METTL18: variants seen among roughly 807,000 people sequenced by gnomAD.
METTL18 encodes methyltransferase 18, RPL3 N3(tau)-histidine.
A neutral mutation model predicts 19.6 loss-of-function variants in METTL18; 15 were observed. The ratio of observed to expected loss-of-function variants is 0.77; its 90% confidence interval spans 0.51 to 1.18. The LOEUF is 1.18. Among genes scored for constraint, METTL18 ranks in the 50% most tolerant of loss-of-function variants. METTL18 has a pLI of 0.00. For synonymous variants in METTL18, 131 were observed against 145.2 expected (o/e 0.90, Z 0.70); for missense variants, 392 against 418.8 (o/e 0.94, Z 0.56).
rs775899587 is a variant in METTL18, at chr1:169,793,628, C to T, written c.68G>A (p.Gly23Glu). 3 of 1,614,098 alleles carry T rather than the reference C, an allele frequency of 1.9e-6. No homozygotes were observed. Residue 23 changes from glycine to glutamate, a missense_variant, in exon 2 of 2, where the codon GGA (glycine) becomes GAA (glutamate). Gly to Glu is a moderately conservative substitution (Grantham distance 98). Coordinates refer to ENST00000310392, the MANE Select transcript of METTL18 (RefSeq NM_033418.4). The part of the protein sequence containing the change: ...LENELTPIRD[G>E]ALTLDSSKEL... ...TTTTGAGGAATCCAGGGTCAAAGCTCCATCTCTAATGGGTGTTAATTCATT... is the reference window on the plus strand; with the variant it reads ...TTTTGAGGAATCCAGGGTCAAAGCTTCATCTCTAATGGGTGTTAATTCATT...
At position 169,794,810 on chromosome 1, in the gene METTL18, C is replaced by A; in HGVS notation, c.-203+5G>T. 1 of 391,316 alleles carries A rather than the reference C, an allele frequency of 2.6e-6. No homozygotes were observed. The allele number at this position is 391,316 out of a possible 1,614,324, so 24.2% of individuals were successfully genotyped here. The stretch of plus-strand genomic sequence containing the variant: ...TTTGAATGTAATGTTTACAGTGATC[C>A]AGACCTGGGGATGCTTGCTTCCCGA... On this transcript the variant is annotated splice_donor_5th_base_variant and intron_variant, in intron 1 of 1. Coordinates refer to ENST00000310392, the MANE Select transcript of METTL18 (RefSeq NM_033418.4).
Position 169,792,778 on chromosome 1 carries a change from G to A in METTL18, c.918C>T (p.His306=), listed in dbSNP as rs761548210. Residue 306 remains histidine (H), a synonymous_variant, in exon 2 of 2, where the codon CAC becomes CAT. Coordinates refer to ENST00000310392, the MANE Select transcript of METTL18 (RefSeq NM_033418.4). ...IYNPDYYSNL[H]QTFLRLLSKN... ...TACTTAACAGTCTAAGGAAAGTCTG[G>A]TGCAAATTACTATAATAATCTGGGT... 5.6e-6 allele frequency: 9 copies of A among 1,612,744 alleles called. No homozygotes were observed. The highest frequency in any genetic ancestry group is 4.5e-5 in the East Asian group (2 of 44,864).
At position 169,792,711 on chromosome 1, in the gene METTL18, C is replaced by G. The variant is rs753903137; in HGVS notation, c.985G>C (p.Gly329Arg). ...VLLASKAHYF[G>R]VGGGVHLFQK... The stretch of plus-strand genomic sequence containing the variant: ...AAGAGATGAACACCTCCACCTACAC[C>G]AAAATAATGTGCTTTGCTGGCCAAA... The change falls in exon 2 of 2, where the codon GGT (glycine) becomes CGT (arginine). Residue 329 changes from glycine (G) to arginine (R), a missense_variant. Coordinates refer to ENST00000310392, the MANE Select transcript of METTL18 (RefSeq NM_033418.4). 6.2e-7 allele frequency: 1 copy of G among 1,613,886 alleles called. No homozygotes were observed. Among genetic ancestry groups the G allele is most frequent in the Non-Finnish European group, 8.5e-7 (1 of 1,179,938 alleles).
Position 169,792,755 on chromosome 1 carries a change from C to T in METTL18, c.941G>A (p.Ser314Asn). 6.2e-7 allele frequency: 1 copy of T among 1,613,722 alleles called. No individual in the cohort carries two copies. Among genetic ancestry groups the T allele is most frequent in the Non-Finnish European group, 8.5e-7 (1 of 1,179,904 alleles). The part of the protein sequence containing the change: ...NLHQTFLRLL[S>N]KNGRVLLASK... ...GGCCAAAAGTACACGTCCATTTTTA[C>T]TTAACAGTCTAAGGAAAGTCTGGTG... Residue 314 changes from serine to asparagine, a missense_variant, in exon 2 of 2, where the codon AGT (serine) becomes AAT (asparagine). Coordinates refer to ENST00000310392, the MANE Select transcript of METTL18 (RefSeq NM_033418.4).
chr1:169,794,113 T>C (rs1650300382), intron 1 of METTL18, among the ~76,000 whole-genome samples: 1 of 151,610 alleles, frequency 6.6e-6, no homozygotes, highest in African/African-American at 2.4e-5. Context: ...AAATCAACTA[T>C]AAAAACAAAC....
Position 169,793,156 on chromosome 1 carries a change from T to G in METTL18, c.540A>C (p.Thr180=), listed in dbSNP as rs1465854232. 6.2e-7 allele frequency: 1 copy of G among 1,614,086 alleles called. No individual in the cohort carries two copies. The highest frequency in any genetic ancestry group is 2.2e-5 in the East Asian group (1 of 44,886). ...TCCCAGCAAATTTCACTTTGGCCTT[T>G]GTGAAATAAGCCAGGAGGTCAAAGG... is the stretch of plus-strand genomic sequence containing the variant. ...ECTFDLLAYF[T]KAKVKFAGKK... The change falls in exon 2 of 2, where the codon ACA becomes ACC. Residue 180 remains threonine, a synonymous_variant. Transcript: ENST00000310392.
chr1:169,792,780 G>A lies in METTL18; in HGVS notation c.916C>T (p.His306Tyr), dbSNP rs1391117368. The change falls in exon 2 of 2, where the codon CAC becomes TAC. Residue 306 changes from histidine (H) to tyrosine (Y), a missense_variant. By Grantham distance (83) the His-to-Tyr change is moderately conservative. Coordinates refer to ENST00000310392, the MANE Select transcript of METTL18 (RefSeq NM_033418.4). Reference protein sequence around the residue: ...IYNPDYYSNLHQTFLRLLSKN... With the variant: ...IYNPDYYSNLYQTFLRLLSKN... ...CTTAACAGTCTAAGGAAAGTCTGGT[G>A]CAAATTACTATAATAATCTGGGTTG... 1 of 1,612,866 alleles carries A rather than the reference G, an allele frequency of 6.2e-7. No individual in the cohort carries two copies.
intron 1 of METTL18, among the ~76,000 whole-genome samples, chr1:169,794,271 C>A (rs1650318166): frequency 6.6e-6 from 1 of 152,160 alleles, no homozygotes; most frequent in Non-Finnish European, 1.5e-5. Flanking sequence ...AGAATAACTT[C>A]ACTTCTGTCT....
rs774839631 is a variant in METTL18, at chr1:169,793,652, T to C, written c.44A>G (p.Asn15Ser). 3 of 1,612,494 alleles carry C rather than the reference T, an allele frequency of 1.9e-6. No individual in the cohort carries two copies. Among genetic ancestry groups the C allele is most frequent in the South Asian group, 1.1e-5 (1 of 90,726 alleles). Residue 15 changes from asparagine to serine, a missense_variant, in exon 2 of 2, where the codon AAT (asparagine) becomes AGT (serine). Transcript: ENST00000310392. ...TCCATCTCTAATGGGTGTTAATTCATTTTCCAGATGGTCTTCTATAGTGAA... is the reference window on the plus strand; with the variant it reads ...TCCATCTCTAATGGGTGTTAATTCACTTTCCAGATGGTCTTCTATAGTGAA... ...FNFTIEDHLE[N>S]ELTPIRDGAL...
rs1356441805 is a variant in METTL18, at chr1:169,793,010, G to A, written c.686C>T (p.Pro229Leu). 1 of 1,614,044 alleles carries A rather than the reference G, an allele frequency of 6.2e-7. No individual in the cohort carries two copies. Among genetic ancestry groups the A allele is most frequent in the South Asian group, 1.1e-5 (1 of 91,088 alleles). ...CAAAGTGGAGTTAGCTACTACATTA[G>A]GTAAGGTTACTTCATCAATCACCAT... ...NSMVIDEVTL[P>L]NVVANSTLED... Residue 229 changes from proline (P) to leucine (L), a missense_variant, in exon 2 of 2, where the codon CCT becomes CTT. Physicochemically the swap from Pro to Leu is moderately conservative, Grantham distance 98. Transcript: ENST00000310392.
chr1:169,793,282 T>G lies in METTL18; in HGVS notation c.414A>C (p.Lys138Asn), dbSNP rs765797440. ...CTATGTTTTCTCCAGGGAAGTTCTC[T>G]TTCAACAAGATGGTTTTCACTACTG... ...KLSVVKTILLKENFPGENIVS... is the reference protein window; with the variant it reads ...KLSVVKTILLNENFPGENIVS... The change falls in exon 2 of 2, where the codon AAA (lysine) becomes AAC (asparagine). Residue 138 changes from lysine (K) to asparagine (N), a missense_variant. Coordinates refer to ENST00000310392, the MANE Select transcript of METTL18 (RefSeq NM_033418.4). 1 of 1,614,110 alleles carries G rather than the reference T, an allele frequency of 6.2e-7. No homozygotes were observed. Among genetic ancestry groups the G allele is most frequent in the Non-Finnish European group, 8.5e-7 (1 of 1,180,004 alleles).
Position 169,793,144 on chromosome 1 carries a change from C to T in METTL18, c.552G>A (p.Val184=), listed in dbSNP as rs1403665835. 2 of 1,614,206 alleles carry T rather than the reference C, an allele frequency of 1.2e-6. No homozygotes were observed. Among genetic ancestry groups the T allele is most frequent in the Middle Eastern group, 1.6e-4 (1 of 6,062 alleles). The part of the protein sequence containing the change: ...DLLAYFTKAK[V]KFAGKKVLDL... ...CCAAGACTTTTTTCCCAGCAAATTT[C>T]ACTTTGGCCTTTGTGAAATAAGCCA... The change falls in exon 2 of 2, where the codon GTG becomes GTA. Residue 184 remains valine (V), a synonymous_variant. Coordinates refer to ENST00000310392, the MANE Select transcript of METTL18 (RefSeq NM_033418.4).
chr1:169,792,821 G>A lies in METTL18; in HGVS notation c.875C>T (p.Thr292Ile). The change falls in exon 2 of 2, where the codon ACC (threonine) becomes ATC (isoleucine). Residue 292 changes from threonine (T) to isoleucine (I), a missense_variant. Thr to Ile is a moderately conservative substitution (Grantham distance 89, BLOSUM62 -1). Transcript: ENST00000310392. Reference protein sequence around the residue: ...KLFVKYDLILTSETIYNPDYY... With the variant: ...KLFVKYDLILISETIYNPDYY... ...ATCTGGGTTGTAAATGGTTTCTGAGGTGAGAATGAGATCATATTTTACAAA... is the reference window on the plus strand; with the variant it reads ...ATCTGGGTTGTAAATGGTTTCTGAGATGAGAATGAGATCATATTTTACAAA... The A allele has an allele frequency of 6.2e-7, 1 of 1,613,758 alleles. No individual in the cohort carries two copies. The highest frequency in any genetic ancestry group is 8.5e-7 in the Non-Finnish European group (1 of 1,179,908).
At chr1:169,794,022 C>A (rs551779239) in intron 1 of METTL18, 125 bp from the exon 2 acceptor site, 68 of 192,262 alleles carry the variant, frequency 3.5e-4, no homozygotes, top group Non-Finnish European at 5.9e-4. Flanking sequence ...GCTGCTTTTT[C>A]TTAAAAAGTT....
chr1:169,793,253 G>T lies in METTL18; in HGVS notation c.443C>A (p.Ser148Ter). The T allele has an allele frequency of 6.2e-7, 1 of 1,614,052 alleles. No homozygotes were observed. The highest frequency in any genetic ancestry group is 8.5e-7 in the Non-Finnish European group (1 of 1,179,998). The change falls in exon 2 of 2, where the codon TCA becomes TAA. Residue 148 changes from serine to a stop codon, truncating the protein, a stop_gained. Transcript: ENST00000310392. LOFTEE classifies it high-confidence loss of function. ...ATCAGAGTGAGAAGAAAAGCTTTTT[G>T]AAACTATGTTTTCTCCAGGGAAGTT... Reference protein sequence around the residue: ...KENFPGENIVSKSFSSHSDLI... With the variant: ...KENFPGENIV
chr1:169,792,692 TG>T lies in METTL18; in HGVS notation c.1003del (p.His335IlefsTer7). 6.2e-7 allele frequency: 1 copy of T among 1,613,144 alleles called. No homozygotes were observed. The highest frequency in any genetic ancestry group is 8.5e-7 in the Non-Finnish European group (1 of 1,179,730). On this transcript the variant is annotated frameshift_variant, in exon 2 of 2. Coordinates refer to ENST00000310392, the MANE Select transcript of METTL18 (RefSeq NM_033418.4). LOFTEE classifies it high-confidence loss of function. Reference protein sequence around the residue: ...AHYFGVGGGVHLFQKFVEERD... With the variant: ...AHYFGVGGGVXLFQKFVEERD... ...TTCTTCTACAAACTTCTGAAAGAGA[TG>T]AACACCTCCACCTACACCAAAATAA...
rs531853220 is a variant in METTL18, at chr1:169,792,630, C to G, written c.1066G>C (p.Asp356His). Residue 356 changes from aspartate to histidine, a missense_variant, in exon 2 of 2, where the codon GAT (aspartate) becomes CAT (histidine). By Grantham distance (81) the Asp-to-His change is moderately conservative. Transcript: ENST00000310392. The stretch of plus-strand genomic sequence containing the variant: ...ATTATGAACCTCTTCAATCCTTCAT[C>G]AATTATTTTGAGTATTCTGGTCTTA... ...VFKTRILKIIDEGLKRFIIEI... is the reference protein window; with the variant it reads ...VFKTRILKIIHEGLKRFIIEI... 6.3e-7 allele frequency: 1 copy of G among 1,599,174 alleles called. No homozygotes were observed. Among genetic ancestry groups the G allele is most frequent in the Admixed American group, 1.8e-5 (1 of 55,938 alleles).
At chr1:169,794,301 ATTTTATTT>A (rs1454392031) in intron 1 of METTL18, among the ~76,000 whole-genome samples, 1 of 152,170 alleles carries the variant, frequency 6.6e-6, no homozygotes, top group African/African-American at 2.4e-5. Context: ...GAGGTGCAGT[ATTTTATTT>A]TGGTAAGTCA....
chr1:169,794,824 C>T lies in METTL18; in HGVS notation c.-212G>A. Reference sequence around the variant, plus strand: ...TTACAGTGATCCAGACCTGGGGATGCTTGCTTCCCGACGTGTCCTGGGATC... The same window carrying T: ...TTACAGTGATCCAGACCTGGGGATGTTTGCTTCCCGACGTGTCCTGGGATC... On this transcript the variant is annotated 5_prime_UTR_variant, in exon 1 of 2. Coordinates refer to ENST00000310392, the MANE Select transcript of METTL18 (RefSeq NM_033418.4). 2.3e-6 allele frequency: 1 copy of T among 432,546 alleles called. No individual in the cohort carries two copies. The highest frequency in any genetic ancestry group is 2.7e-5 in the South Asian group (1 of 37,734). The allele number at this position is 432,546 out of a possible 1,614,324, so 26.8% of individuals were successfully genotyped here. A position where few individuals can be genotyped will look rare whatever the true frequency, so the allele number is the denominator to read the frequency against.
Sources: gnomAD v4.1 joint callset for allele counts (sites outside exome capture counted in the v4.1 genomes callset) on GRCh38, gnomAD v4.1.1 for gene constraint, MANE v1.5 for transcripts, NCBI Gene and HGNC (gene_info 2026-07-23, HGNC 2026-07-21) for gene names.